Variants in ARHGAP44 observed in about 807,000 individuals in gnomAD.
ARHGAP44 encodes rho GTPase-activating protein 44.
Under a neutral mutation model 106.8 loss-of-function variants are expected in ARHGAP44, and 43 were observed. The ratio of observed to expected loss-of-function variants is 0.40; its 90% CI spans 0.32 to 0.52. The LOEUF is 0.52. ARHGAP44 is among the 20% of genes least tolerant of loss of function. The pLI, the probability that ARHGAP44 is intolerant of heterozygous loss-of-function variation, is 0.48. For synonymous variants in ARHGAP44, 439 were observed against 410.3 expected (o/e 1.07, Z -0.85); for missense variants, 866 against 1,050.5 (o/e 0.82, Z 2.43).
At chr17:12,799,675 G>A (rs1450051599) in intron 1 of ARHGAP44, among the ~76,000 whole-genome samples, 2 of 152,058 alleles carry the variant, frequency 1.3e-5, no homozygotes, top group Non-Finnish European at 2.9e-5. Flanking sequence ...TCTCTGCCCC[G>A]CCCTACCCTC....
chr17:12,985,272 T>A (rs1360268452), intron 20 of ARHGAP44: 1 of 209,136 alleles, frequency 4.8e-6, no homozygotes, highest in East Asian at 1.2e-4. Flanking sequence ...AGGTATTTCC[T>A]GGATAGAGCC....
intron 19 of ARHGAP44, chr17:12,982,875 G>C (rs1019669352): frequency 1.9e-4 from 29 of 151,890 alleles, no homozygotes; most frequent in Admixed American, 1.9e-3. Flanking sequence ...CCTCCTAACA[G>C]ACCTTGTTCC....
chr17:12,973,857 C>CT, intron 17 of ARHGAP44: 1 of 582,778 alleles, frequency 1.7e-6, no homozygotes, highest in Non-Finnish European at 3.0e-6. Context: ...CTCCTTGCCT[C>CT]AGTGAGGGGG....
chr17:12,944,999 T>A (rs936829038), intron 10 of ARHGAP44, among the ~76,000 whole-genome samples: 1 of 151,942 alleles, frequency 6.6e-6, no homozygotes, highest in Admixed American at 6.6e-5. Flanking sequence ...ATGTAAAAAA[T>A]GTCTATGAGA....
At chr17:12,927,942 T>TA (rs1301284250) in intron 6 of ARHGAP44, among the ~76,000 whole-genome samples, 1 of 152,166 alleles carries the variant, frequency 6.6e-6, no homozygotes, top group Non-Finnish European at 1.5e-5. Context: ...TATTTTTTTT[T>TA]AACTTGCTGG....
intron 4 of ARHGAP44, 36 bp from the exon 5 acceptor site, chr17:12,915,864 A>G: frequency 6.4e-7 from 1 of 1,568,284 alleles, no homozygotes; most frequent in Non-Finnish European, 8.8e-7. Context: ...GTTGTCTTCA[A>G]GAGTATTCAC....
chr17:12,931,867 C>A (rs1567694356), intron 7 of ARHGAP44, among the ~76,000 whole-genome samples: 2 of 150,498 alleles, frequency 1.3e-5, no homozygotes. Context: ...CACACACACA[C>A]ACACACACAC....
chr17:12,943,554 C>A lies in ARHGAP44; in HGVS notation c.652-34C>A, dbSNP rs771753232. On this transcript the variant is annotated intron_variant, in intron 8 of 20. Coordinates refer to ENST00000379672, the MANE Select transcript of ARHGAP44 (RefSeq NM_014859.6). Reference sequence around the variant, plus strand: ...CATGGCAGCCTGTGTCCTTGCCCCTCACTAAGGGTGATGCTTGCCTTGTGT... The same window carrying A: ...CATGGCAGCCTGTGTCCTTGCCCCTAACTAAGGGTGATGCTTGCCTTGTGT... 5.0e-6 allele frequency: 8 copies of A among 1,607,338 alleles called. No homozygotes were observed. The African/African-American group carries it at 8.0e-5, about 16-fold the overall frequency.
chr17:12,926,551 T>TAA (rs1183083097), intron 6 of ARHGAP44, among the ~76,000 whole-genome samples: 1 of 146,462 alleles, frequency 6.8e-6, no homozygotes, highest in Non-Finnish European at 1.5e-5. Flanking sequence ...ATTATATATA[T>TAA]AACATTGTAA....
intron 4 of ARHGAP44, 141 bp downstream of exon 4, chr17:12,909,114 A>T: frequency 1.4e-6 from 1 of 696,874 alleles, no homozygotes; most frequent in East Asian, 2.9e-5. Context: ...ACCAGTAGGA[A>T]ATCAGAACTC....
chr17:12,936,071 C>G (rs1047382393), intron 7 of ARHGAP44, among the ~76,000 whole-genome samples: 1 of 152,098 alleles, frequency 6.6e-6, no homozygotes, highest in East Asian at 1.9e-4. Flanking sequence ...AATTTTGCAG[C>G]AAAATTAAGT....
chr17:12,909,652 G>A (rs892062570), intron 4 of ARHGAP44, among the ~76,000 whole-genome samples: 13 of 152,156 alleles, frequency 8.5e-5, no homozygotes, highest in African/African-American at 3.1e-4. Flanking sequence ...TGAAGGGAAT[G>A]AAGTGCAGAG....
intron 1 of ARHGAP44, among the ~76,000 whole-genome samples, chr17:12,824,772 T>A (rs2034870804): frequency 1.3e-5 from 2 of 151,864 alleles, no homozygotes; most frequent in South Asian, 4.2e-4. Flanking sequence ...CTCGCTAGCC[T>A]CCCCTCGTAC....
chr17:12,957,063 G>A (rs1284701412), intron 15 of ARHGAP44, among the ~76,000 whole-genome samples: 1 of 148,634 alleles, frequency 6.7e-6, no homozygotes, highest in Admixed American at 6.7e-5. Context: ...CAATTCTCCT[G>A]CCTCACCCCC....
At chr17:12,925,940 T>C (rs980150169) in intron 6 of ARHGAP44, among the ~76,000 whole-genome samples, 10 of 152,224 alleles carry the variant, frequency 6.6e-5, no homozygotes, top group African/African-American at 2.4e-4. Context: ...ACAAAATTCA[T>C]GTCACCTTTT....
intron 5 of ARHGAP44, among the ~76,000 whole-genome samples, 192 bp downstream of exon 5, chr17:12,916,203 C>T (rs899058116): frequency 1.2e-4 from 19 of 152,168 alleles, no homozygotes; most frequent in African/African-American, 4.6e-4. Context: ...GCTACCCCTT[C>T]TCCTACCCAT....
At chr17:12,929,350 A>C (rs190723592) in intron 7 of ARHGAP44, 2 of 243,186 alleles carry the variant, frequency 8.2e-6, no homozygotes, top group Non-Finnish European at 1.7e-5. Context: ...CCAAAGAATA[A>C]ATTCTAGGTG....
intron 7 of ARHGAP44, among the ~76,000 whole-genome samples, chr17:12,930,181 C>A (rs768825086): frequency 1.3e-5 from 2 of 151,908 alleles, no homozygotes; most frequent in Non-Finnish European, 2.9e-5. Flanking sequence ...CATAACTCTT[C>A]TCTCCTTCCA....
At chr17:12,926,400 ATTG>A (rs1314928391) in intron 6 of ARHGAP44, among the ~76,000 whole-genome samples, 4 of 145,408 alleles carry the variant, frequency 2.8e-5, no homozygotes, top group African/African-American at 1.0e-4. Context: ...TATAATATAT[ATTG>A]TATATATATA....
Sources: allele counts gnomAD v4.1 joint callset (sites outside exome capture counted in the v4.1 genomes callset), GRCh38; gene constraint gnomAD v4.1.1; transcripts MANE v1.5; gene names NCBI Gene and HGNC (gene_info 2026-07-23, HGNC 2026-07-21).